ROBO2: variants seen among roughly 807,000 people sequenced by gnomAD.
ROBO2 encodes the protein roundabout homolog 2.
In ROBO2, 53 loss-of-function variants were observed where a neutral mutation model predicts 160.8. That is an observed-to-expected ratio of 0.33 (90% confidence interval 0.26 to 0.41). ROBO2 has a LOEUF of 0.41. ROBO2 is among the 10% of genes least tolerant of loss of function. ROBO2 has a pLI of 1.00. For synonymous variants in ROBO2, 664 were observed against 611.7 expected, an observed-to-expected ratio of 1.09 and a Z score of -1.26; for missense variants, 1,577 against 1,722.4, an observed-to-expected ratio of 0.92 and a Z score of 1.49.
intron 2 of ROBO2, among the ~76,000 whole-genome samples, chr3:77,153,995 T>C (rs140865567): frequency 6.6e-6 from 1 of 152,246 alleles, no homozygotes; most frequent in African/African-American, 2.4e-5. Context: ...ACACATTTAG[T>C]TCTGGCTCTG....
chr3:77,115,750 A>G lies in ROBO2; in HGVS notation c.388+17410A>G, dbSNP rs181343807. ...TCAGTACATAGATGCATTTGAAACT[A>G]GAAAGCAAATTTAGAATACTTTTGT... On this transcript the variant is annotated intron_variant, in intron 2 of 25. Coordinates refer to ENST00000461745, the Ensembl canonical transcript of ROBO2. Among the ~76,000 whole-genome samples the G allele has an allele frequency of 9.4e-3, 1,439 of 152,358 alleles. 13 individuals are homozygous for G. Among genetic ancestry groups the G allele is most frequent in the Non-Finnish European group, 0.012 (845 of 68,030 alleles).
chr3:75,991,422 G>T (rs894472978), intron 2 of ROBO2, among the ~76,000 whole-genome samples: 1 of 152,052 alleles, frequency 6.6e-6, no homozygotes, highest in Admixed American at 6.5e-5. Context: ...CACAAGATCT[G>T]ATGGTTATAA....
chr3:76,630,383 G>T (rs2089957768), intron 2 of ROBO2, among the ~76,000 whole-genome samples: 2 of 152,164 alleles, frequency 1.3e-5, no homozygotes, highest in Non-Finnish European at 2.9e-5. Context: ...GTAAATAATT[G>T]TGCCACTTGT....
intron 2 of ROBO2, among the ~76,000 whole-genome samples, chr3:76,345,512 T>C (rs1013746050): frequency 2.0e-5 from 3 of 150,790 alleles, no homozygotes; most frequent in African/African-American, 7.3e-5. Flanking sequence ...GGTTGAATTA[T>C]AACAAAACTA....
chr3:77,380,377 T>C (rs948585637), intron 2 of ROBO2, among the ~76,000 whole-genome samples: 1 of 152,154 alleles, frequency 6.6e-6, no homozygotes, highest in African/African-American at 2.4e-5. Flanking sequence ...TTATCGTTCC[T>C]CTCTGTCATA....
At chr3:76,212,407 A>G (rs766884344) in intron 2 of ROBO2, among the ~76,000 whole-genome samples, 67 of 152,156 alleles carry the variant, frequency 4.4e-4, no homozygotes, top group Non-Finnish European at 7.9e-4. Flanking sequence ...ATAATGTAAT[A>G]TGCATTATTA....
At chr3:76,691,662 A>G (rs1379505395) in intron 2 of ROBO2, among the ~76,000 whole-genome samples, 2 of 152,134 alleles carry the variant, frequency 1.3e-5, no homozygotes, top group Non-Finnish European at 2.9e-5. Flanking sequence ...TGGACATAGG[A>G]GAGGATGGTT....
chr3:77,390,090 G>C (rs1340400353), intron 2 of ROBO2, among the ~76,000 whole-genome samples: 1 of 152,150 alleles, frequency 6.6e-6, no homozygotes, highest in Non-Finnish European at 1.5e-5. Flanking sequence ...GGTCATTATG[G>C]GGAAGTGGGA....
At chr3:76,805,875 C>T (rs900785120) in intron 2 of ROBO2, among the ~76,000 whole-genome samples, 4 of 151,900 alleles carry the variant, frequency 2.6e-5, no homozygotes, top group African/African-American at 9.7e-5. Flanking sequence ...TTTTAACAGA[C>T]CAGAGAAAGA....
chr3:76,557,647 TTG>T (rs1233321111), intron 2 of ROBO2, among the ~76,000 whole-genome samples: 1 of 151,454 alleles, frequency 6.6e-6, no homozygotes, highest in Non-Finnish European at 1.5e-5. Flanking sequence ...ATCTCCACTT[TTG>T]CTTCTAAACA....
At chr3:76,271,211 ATGAC>A (rs1471320099) in intron 2 of ROBO2, among the ~76,000 whole-genome samples, 1 of 152,054 alleles carries the variant, frequency 6.6e-6, no homozygotes, top group Non-Finnish European at 1.5e-5. Flanking sequence ...AAACCTGAGA[ATGAC>A]TGATTAGGTG....
intron 2 of ROBO2, among the ~76,000 whole-genome samples, chr3:76,899,567 A>T (rs1473433842): frequency 6.6e-6 from 1 of 152,186 alleles, no homozygotes; most frequent in Non-Finnish European, 1.5e-5. Context: ...CATAGAAAGG[A>T]TAATGCTTTA....
At chr3:77,208,012 C>T (rs761078062) in intron 2 of ROBO2, among the ~76,000 whole-genome samples, 1 of 152,184 alleles carries the variant, frequency 6.6e-6, no homozygotes, top group African/African-American at 2.4e-5. Context: ...GGAATTGGCT[C>T]AGATAAAGGA....
At chr3:76,936,498 G>T (rs371087405) in intron 2 of ROBO2, among the ~76,000 whole-genome samples, 2 of 151,954 alleles carry the variant, frequency 1.3e-5, no homozygotes, top group African/African-American at 4.8e-5. Context: ...GGTGGACAGC[G>T]TTGCTCCTCC....
intron 2 of ROBO2, among the ~76,000 whole-genome samples, chr3:76,170,625 G>A (rs1204350005): frequency 6.6e-6 from 1 of 152,150 alleles, no homozygotes; most frequent in Non-Finnish European, 1.5e-5. Flanking sequence ...TTTGGAGCAG[G>A]TTACTTTTTT....
chr3:76,323,325 A>AT (rs149066540), intron 2 of ROBO2, among the ~76,000 whole-genome samples: 16 of 151,918 alleles, frequency 1.1e-4, no homozygotes, highest in Admixed American at 7.9e-4. Flanking sequence ...CCAAATCTGG[A>AT]TTTTTTTTCT....
intron 2 of ROBO2, among the ~76,000 whole-genome samples, chr3:76,462,548 A>C (rs1290452197): frequency 5.9e-5 from 9 of 151,952 alleles, no homozygotes; most frequent in African/African-American, 2.2e-4. Context: ...GATTACAAAG[A>C]TCAGCAATTT....
chr3:76,265,675 AT>A (rs1443293004), intron 2 of ROBO2, among the ~76,000 whole-genome samples: 2 of 152,168 alleles, frequency 1.3e-5, no homozygotes, highest in Non-Finnish European at 2.9e-5. Flanking sequence ...TACTATTATG[AT>A]TCCCATTATA....
intron 2 of ROBO2, among the ~76,000 whole-genome samples, chr3:76,670,528 C>T (rs1351215574): frequency 2.0e-5 from 3 of 151,930 alleles, no homozygotes; most frequent in African/African-American, 7.2e-5. Flanking sequence ...GAGTTAAAGT[C>T]ATCTGGCTCT....
Sources: gnomAD v4.1 joint callset for allele counts (sites outside exome capture counted in the v4.1 genomes callset) on GRCh38, gnomAD v4.1.1 for gene constraint, MANE v1.5 for transcripts, NCBI Gene and HGNC (gene_info 2026-07-23, HGNC 2026-07-21) for gene names.